Variants in ERCC5 observed in about 807,000 individuals in gnomAD.
ERCC5 encodes the protein ERCC excision repair 5, endonuclease.
In ERCC5, 68 loss-of-function variants were observed where a neutral mutation model predicts 105.6. That is an observed-to-expected ratio of 0.64 (90% CI 0.53 to 0.79). ERCC5 has a LOEUF of 0.79. Ranked by LOEUF, ERCC5 falls within the 30% of genes least tolerant of loss-of-function variation. The pLI, the probability that ERCC5 is intolerant of heterozygous loss-of-function variation, is 0.00. For synonymous variants in ERCC5, 546 were observed against 526.2 expected, an observed-to-expected ratio of 1.04 and a Z score of -0.51; for missense variants, 1,373 against 1,426.7, an observed-to-expected ratio of 0.96 and a Z score of 0.61.
intron 6 of ERCC5, chr13:102,858,976 T>C (rs2140523897): frequency 2.2e-6 from 1 of 455,502 alleles, no homozygotes; most frequent in South Asian, 1.6e-5. Flanking sequence ...GCCCTCTTCC[T>C]GGACAGTGCG....
Position 102,846,204 on chromosome 13 carries a change from A to G in ERCC5, c.-63A>G, listed in dbSNP as rs184274263. ...CTCCCGGGGTCCTAGGCGGCGGTGCAGTCCGTCGTAGAAGAATTAGAGTAG... is the reference window on the plus strand; with the variant it reads ...CTCCCGGGGTCCTAGGCGGCGGTGCGGTCCGTCGTAGAAGAATTAGAGTAG... On this transcript the variant is annotated 5_prime_UTR_variant, in exon 1 of 15. Coordinates refer to ENST00000652225, the MANE Select transcript of ERCC5 (RefSeq NM_000123.4). 2.8e-6 allele frequency: 4 copies of G among 1,403,648 alleles called. No homozygotes were observed. The highest frequency in any genetic ancestry group is 3.0e-6 in the Non-Finnish European group (3 of 1,003,502). 86.9% of individuals were successfully genotyped at this position (1,403,648 alleles called of 1,614,324 possible).
intron 2 of ERCC5, 87 bp downstream of exon 2, chr13:102,852,380 T>C: frequency 2.0e-6 from 3 of 1,499,032 alleles, no homozygotes; most frequent in Non-Finnish European, 2.7e-6. Context: ...TTTTGTTTTC[T>C]CTTTAGAATT....
At chr13:102,860,293 C>T (rs919251365) in intron 6 of ERCC5, among the ~76,000 whole-genome samples, 1 of 152,128 alleles carries the variant, frequency 6.6e-6, no homozygotes, top group African/African-American at 2.4e-5. Flanking sequence ...CTTAGATCTG[C>T]ATAAAAATGA....
intron 13 of ERCC5, 111 bp downstream of exon 13, chr13:102,872,509 A>C (rs1883068294): frequency 3.1e-6 from 4 of 1,271,650 alleles, no homozygotes; most frequent in African/African-American, 1.5e-5. Flanking sequence ...CGTTAATCCC[A>C]TTTTCTTAAT....
chr13:102,873,165 A>C (rs899623494), intron 13 of ERCC5, 94 bp from the exon 14 acceptor site: 12 of 1,460,210 alleles, frequency 8.2e-6, no homozygotes, highest in Non-Finnish European at 1.0e-5. Flanking sequence ...TAGGAGATAC[A>C]GGGAATGGAA....
At chr13:102,854,426 C>T (rs766421486) in intron 4 of ERCC5, 52 bp downstream of exon 4, 2 of 1,553,592 alleles carry the variant, frequency 1.3e-6, no homozygotes, top group Non-Finnish European at 1.8e-6. Context: ...TACATTCAGA[C>T]ACATTTAAAC....
In ERCC5 at chr13:102,862,318, C is replaced by T. The variant is rs781157912; in HGVS notation, c.1169C>T (p.Ala390Val). The T allele has an allele frequency of 1.2e-6, 2 of 1,614,108 alleles. No homozygotes were observed. Among genetic ancestry groups the T allele is most frequent in the South Asian group, 1.1e-5 (1 of 91,074 alleles). Reference protein sequence around the residue: ...EGSISPRTLSAIKRALDDDED... With the variant: ...EGSISPRTLSVIKRALDDDED... ...TCCATATCACCCCGGACTCTTTCAG[C>T]CATTAAGAGAGCTCTTGACGATGAC... The change falls in exon 8 of 15, where the codon GCC becomes GTC. Residue 390 changes from alanine (A) to valine (V), a missense_variant. Physicochemically the swap from Ala to Val is moderately conservative, Grantham distance 64. Coordinates refer to ENST00000652225, the MANE Select transcript of ERCC5 (RefSeq NM_000123.4).
At position 102,873,252 on chromosome 13, in the gene ERCC5, C is replaced by T. The variant is rs1883092264; in HGVS notation, c.2880-7C>T. Reference sequence around the variant, plus strand: ...TCAAAATATTTATAAGTCTTAACTGCATGCATATTTTGTCAGCGGTATTTC... The same window carrying T: ...TCAAAATATTTATAAGTCTTAACTGTATGCATATTTTGTCAGCGGTATTTC... On this transcript the variant is annotated splice_polypyrimidine_tract_variant and splice_region_variant and intron_variant, in intron 13 of 14. Coordinates refer to ENST00000652225, the MANE Select transcript of ERCC5 (RefSeq NM_000123.4). 1 of 1,614,048 alleles carries T rather than the reference C, an allele frequency of 6.2e-7. No homozygotes were observed. The highest frequency in any genetic ancestry group is 8.5e-7 in the Non-Finnish European group (1 of 1,179,964).
At chr13:102,854,652 G>A (rs1273039905) in intron 4 of ERCC5, among the ~76,000 whole-genome samples, 3 of 152,166 alleles carry the variant, frequency 2.0e-5, no homozygotes, top group African/African-American at 7.2e-5. Context: ...TTTTAGTTTT[G>A]CTTACACTTT....
rs574862357 is a variant in ERCC5 at position 102,849,579 on chromosome 13, A to AT, written c.89-2530dup. On this transcript the variant is annotated intron_variant, in intron 1 of 14. Coordinates refer to ENST00000652225, the MANE Select transcript of ERCC5 (RefSeq NM_000123.4). ...GTAAATTAATTGTTGATGGACCTAC[A>AT]TTTTTTTTTATGTTAGTAAAAGTTA... The AT allele has an allele frequency of 4.2e-3, 1,407 of 337,622 alleles. 15 individuals are homozygous for AT. The highest frequency in any genetic ancestry group is 0.024 in the East Asian group (317 of 12,976). 20.9% of individuals were successfully genotyped at this position (337,622 alleles called of 1,614,324 possible).
At chr13:102,855,068 T>G (rs1882360866) in intron 4 of ERCC5, among the ~76,000 whole-genome samples, 1 of 152,240 alleles carries the variant, frequency 6.6e-6, no homozygotes, top group Admixed American at 6.5e-5. Context: ...ACCACTGTCA[T>G]TTTTTCTCCA....
chr13:102,871,298 G>T (rs1883025722), intron 12 of ERCC5, among the ~76,000 whole-genome samples: 3 of 152,220 alleles, frequency 2.0e-5, no homozygotes, highest in Admixed American at 1.3e-4. Flanking sequence ...TGGCCGCCCT[G>T]CTCAAGAGGA....
At chr13:102,858,902 A>G (rs781249036) in intron 6 of ERCC5, 48 of 456,098 alleles carry the variant, frequency 1.1e-4, no homozygotes, top group Admixed American at 1.9e-4. Flanking sequence ...TTCTAAATTG[A>G]AATTCCAGGT....
At chr13:102,872,421 G>T (rs759296023) in intron 13 of ERCC5, 23 bp downstream of exon 13, 2 of 1,612,986 alleles carry the variant, frequency 1.2e-6, no homozygotes, top group Non-Finnish European at 1.7e-6. Context: ...TCTTAAAAGA[G>T]AAGGAAACAC....
chr13:102,873,802 C>A (rs2140540555), intron 14 of ERCC5, among the ~76,000 whole-genome samples: 1 of 152,128 alleles, frequency 6.6e-6, no homozygotes, highest in African/African-American at 2.4e-5. Flanking sequence ...TGGGAAGGAG[C>A]CCTTTTGTAT....
chr13:102,854,164 C>A, intron 3 of ERCC5, 124 bp from the exon 4 acceptor site: 1 of 1,070,264 alleles, frequency 9.3e-7, no homozygotes, highest in South Asian at 1.3e-5. Context: ...CGCCAAGGTT[C>A]CTTCCTTTCT....
chr13:102,873,555 C>T (rs1883101016), intron 14 of ERCC5, among the ~76,000 whole-genome samples: 1 of 152,028 alleles, frequency 6.6e-6, no homozygotes. Context: ...CTTTGGAGTC[C>T]TTTCATATTC....
At position 102,875,894 on chromosome 13, in the gene ERCC5, G is replaced by GA. The variant is rs769870504; in HGVS notation, c.3556dup (p.Thr1186AsnfsTer18). 3.7e-6 allele frequency: 6 copies of GA among 1,606,604 alleles called. No individual in the cohort carries two copies. In the Admixed American group the frequency reaches 1.0e-4, roughly 27 times the overall value. On this transcript the variant is annotated frameshift_variant, in exon 15 of 15. Coordinates refer to ENST00000652225, the MANE Select transcript of ERCC5 (RefSeq NM_000123.4). LOFTEE classifies it high-confidence loss of function. ...TAAGACGTGCGAGGGGAAGAAAAAG[G>GA]AAAACCTAATTAAAAAATATGTATC...
At chr13:102,868,440 G>T (rs1248028697) in intron 12 of ERCC5, among the ~76,000 whole-genome samples, 183 bp downstream of exon 12, 1 of 152,236 alleles carries the variant, frequency 6.6e-6, no homozygotes, top group African/African-American at 2.4e-5. Context: ...TCAGTTCTTA[G>T]TGGTGCTGGG....
Sources: allele counts gnomAD v4.1 joint callset (sites outside exome capture counted in the v4.1 genomes callset), GRCh38; gene constraint gnomAD v4.1.1; transcripts MANE v1.5; gene names NCBI Gene and HGNC (gene_info 2026-07-23, HGNC 2026-07-21).